Variants in CTNNA3 observed in about 807,000 individuals in gnomAD.
CTNNA3 encodes the protein catenin alpha 3, also known as catenin alpha-3.
CTNNA3 carries 76 observed loss-of-function variants against 95.7 expected under a neutral mutation model. That is an observed-to-expected ratio of 0.79 (90% CI 0.66 to 0.96). The LOEUF (loss-of-function observed/expected upper bound fraction) is 0.96. Among genes scored for constraint, CTNNA3 ranks in the 40% least tolerant of loss-of-function variants. The pLI is 0.00. For missense variants in CTNNA3, 1,191 were observed against 1,089.8 expected (o/e 1.09, Z -1.31); for synonymous variants, 431 against 374.4 (o/e 1.15, Z -1.74).
At chr10:66,480,192 T>C (rs1839471413) in intron 11 of CTNNA3, among the ~76,000 whole-genome samples, 1 of 152,186 alleles carries the variant, frequency 6.6e-6, no homozygotes, top group East Asian at 1.9e-4. Flanking sequence ...CAATTTCTTC[T>C]CTATTTCTAT....
chr10:67,555,169 G>C (rs1182915803), intron 3 of CTNNA3, among the ~76,000 whole-genome samples: 1 of 152,182 alleles, frequency 6.6e-6, no homozygotes, highest in Non-Finnish European at 1.5e-5. Flanking sequence ...TTGTAGTTCA[G>C]TTTGAAGTCT....
intron 5 of CTNNA3, among the ~76,000 whole-genome samples, chr10:67,299,322 C>T (rs1339178598): frequency 6.6e-6 from 1 of 151,946 alleles, no homozygotes; most frequent in Non-Finnish European, 1.5e-5. Flanking sequence ...GTTGATTCCA[C>T]CAGTTACTAA....
Position 67,206,153 on chromosome 10 carries a change from CA to C in CTNNA3, c.843+13453del, listed in dbSNP as rs1478418751. 2.2e-4 allele frequency among the ~76,000 whole-genome samples: 34 copies of C among 152,234 alleles called. 1 individual carries two copies. Among genetic ancestry groups the C allele is most frequent in the African/African-American group, 7.5e-4 (31 of 41,544 alleles). On this transcript the variant is annotated intron_variant, in intron 6 of 17. Transcript: ENST00000433211. The stretch of plus-strand genomic sequence containing the variant: ...CAATTAGTGAACAGAGACAGTTATT[CA>C]AATTACCAGGTGAGTTTAGGATGAA...
At chr10:66,438,445 C>T (rs1377380455) in intron 11 of CTNNA3, among the ~76,000 whole-genome samples, 1 of 152,196 alleles carries the variant, frequency 6.6e-6, no homozygotes, top group African/African-American at 2.4e-5. Flanking sequence ...GGCTTTGCTG[C>T]ACTTTGGTGG....
At chr10:66,599,476 C>T (rs777598083) in intron 10 of CTNNA3, among the ~76,000 whole-genome samples, 1 of 151,956 alleles carries the variant, frequency 6.6e-6, no homozygotes, top group Non-Finnish European at 1.5e-5. Context: ...TAGGCTGCCC[C>T]CATGCTAGAG....
chr10:66,103,281 G>T, intron 13 of CTNNA3, 32 bp from the exon 14 acceptor site: 2 of 1,514,612 alleles, frequency 1.3e-6, no homozygotes, highest in South Asian at 1.1e-5. Flanking sequence ...TTGCTAGTGG[G>T]AATGTAAAAG....
At chr10:66,029,972 C>T (rs1004170594) in intron 15 of CTNNA3, among the ~76,000 whole-genome samples, 2 of 152,046 alleles carry the variant, frequency 1.3e-5, no homozygotes, top group African/African-American at 4.8e-5. Context: ...ATTATAGAAT[C>T]AGGCAATTGA....
chr10:67,260,573 C>T (rs554555485), intron 5 of CTNNA3, among the ~76,000 whole-genome samples: 121 of 152,320 alleles, frequency 7.9e-4, no homozygotes, highest in Non-Finnish European at 1.4e-3. Context: ...AACCATTAGG[C>T]AAGAAGTGTC....
chr10:66,105,735 TTC>T (rs1319790711), intron 13 of CTNNA3, among the ~76,000 whole-genome samples: 1 of 152,194 alleles, frequency 6.6e-6, no homozygotes, highest in Non-Finnish European at 1.5e-5. Flanking sequence ...ACCTCTTCTT[TTC>T]ATGAACAAAA....
In CTNNA3 at chr10:66,372,263, C is replaced by T. The variant is rs1018731825; in HGVS notation, c.1732+6889G>A. Among the ~76,000 whole-genome samples, 3 of 152,136 alleles carry T rather than the reference C, an allele frequency of 2.0e-5. No homozygotes were observed. In the South Asian group the frequency reaches 6.2e-4, roughly 31 times the overall value. On this transcript the variant is annotated intron_variant, in intron 12 of 17. Coordinates refer to ENST00000433211, the MANE Select transcript of CTNNA3 (RefSeq NM_013266.4). ...TAAATTATTTTTCTATTGCCTTCAG[C>T]ACATAAAGATCCATAGAGTAAATCT...
intron 7 of CTNNA3, among the ~76,000 whole-genome samples, chr10:66,993,855 A>G (rs1033905180): frequency 1.3e-5 from 2 of 152,126 alleles, no homozygotes; most frequent in African/African-American, 2.4e-5. Context: ...TCTAAGCTTT[A>G]TAATTTCTTC....
At chr10:66,966,495 T>TTC (rs1163238198) in intron 7 of CTNNA3, among the ~76,000 whole-genome samples, 1 of 148,756 alleles carries the variant, frequency 6.7e-6, no homozygotes, top group Non-Finnish European at 1.5e-5. Flanking sequence ...ATTTTTTTTT[T>TTC]CAGGATATAC....
intron 7 of CTNNA3, among the ~76,000 whole-genome samples, chr10:67,060,098 T>C (rs953928034): frequency 1.1e-4 from 17 of 152,100 alleles, no homozygotes; most frequent in Non-Finnish European, 4.4e-5. Context: ...GGTGGATCAC[T>C]TGAGCCTAGG....
intron 5 of CTNNA3, among the ~76,000 whole-genome samples, chr10:67,364,909 A>G (rs1322910277): frequency 6.6e-6 from 1 of 152,190 alleles, no homozygotes; most frequent in Non-Finnish European, 1.5e-5. Flanking sequence ...AAGAGCCCAC[A>G]TAGCCAAGAC....
At chr10:66,260,066 G>T (rs2090942155) in intron 13 of CTNNA3, among the ~76,000 whole-genome samples, 1 of 152,006 alleles carries the variant, frequency 6.6e-6, no homozygotes, top group African/African-American at 2.4e-5. Context: ...CTTCCCCATT[G>T]TCTCTCCCAA....
At chr10:65,935,630 T>G (rs1281422437) in intron 17 of CTNNA3, among the ~76,000 whole-genome samples, 3 of 152,140 alleles carry the variant, frequency 2.0e-5, no homozygotes, top group Non-Finnish European at 4.4e-5. Flanking sequence ...TTTTATAGCT[T>G]TTAATTATTT....
At chr10:66,717,416 T>C (rs11815110) in intron 9 of CTNNA3, among the ~76,000 whole-genome samples, 2,036 of 152,254 alleles carry the variant, frequency 0.013, 59 homozygotes, top group African/African-American at 0.042. Flanking sequence ...GGCATAGTAT[T>C]ATAATCATAG....
chr10:66,356,412 A>T (rs987471359), intron 12 of CTNNA3, among the ~76,000 whole-genome samples: 5 of 150,374 alleles, frequency 3.3e-5, no homozygotes, highest in African/African-American at 1.2e-4. Flanking sequence ...TGCAGCAATT[A>T]TTTTTTTTTA....
At chr10:66,547,501 C>T (rs1036239663) in intron 10 of CTNNA3, among the ~76,000 whole-genome samples, 4 of 151,050 alleles carry the variant, frequency 2.6e-5, no homozygotes, top group South Asian at 2.1e-4. Flanking sequence ...CGCCACCACG[C>T]CCAGTTAATT....
Sources: gnomAD v4.1 joint callset for allele counts (sites outside exome capture counted in the v4.1 genomes callset) on GRCh38, gnomAD v4.1.1 for gene constraint, MANE v1.5 for transcripts, NCBI Gene and HGNC (gene_info 2026-07-23, HGNC 2026-07-21) for gene names.